Variants in USP48 observed in about 807,000 individuals in gnomAD.
USP48 encodes the protein ubiquitin specific peptidase 48.
A neutral mutation model predicts 150.7 loss-of-function variants in USP48; 43 were observed. The observed-to-expected ratio is 0.29, with a 90% confidence interval of 0.22 to 0.37. The LOEUF is 0.37. USP48 is among the 10% of genes least tolerant of loss of function. The pLI is 1.00. For missense variants in USP48, 813 were observed against 1,249.6 expected (o/e 0.65, Z 5.27); for synonymous variants, 396 against 425.9 (o/e 0.93, Z 0.86).
At position 21,705,796 on chromosome 1, in the gene USP48, C is replaced by T. The variant is rs2097670570; in HGVS notation, c.2315G>A (p.Ser772Asn). 6.2e-7 allele frequency: 1 copy of T among 1,611,832 alleles called. No homozygotes were observed. The highest frequency in any genetic ancestry group is 1.1e-5 in the South Asian group (1 of 90,380). ...GCCCCCGTGGGGACACAAAAGAGCACTGTTCCCAACTGATGACACAGGGCT... is the reference window on the plus strand; with the variant it reads ...GCCCCCGTGGGGACACAAAAGAGCATTGTTCCCAACTGATGACACAGGGCT... ...RCSPVSSVGN[S>N]ALLCPHGGLM... is the part of the protein sequence containing the mutation. The change falls in exon 19 of 27, where the codon AGT becomes AAT. Residue 772 changes from serine (S) to asparagine (N), a missense_variant. By Grantham distance (46) the Ser-to-Asn change is conservative. Coordinates refer to ENST00000308271, the MANE Select transcript of USP48 (RefSeq NM_032236.8).
At chr1:21,740,865 A>T (rs2097779955) in intron 8 of USP48, among the ~76,000 whole-genome samples, 1 of 152,262 alleles carries the variant, frequency 6.6e-6, no homozygotes, top group South Asian at 2.1e-4. Context: ...AATCACAGTC[A>T]CCGACAGTCA....
intron 8 of USP48, among the ~76,000 whole-genome samples, chr1:21,741,401 A>AT (rs1478984393): frequency 6.6e-6 from 1 of 152,220 alleles, no homozygotes; most frequent in African/African-American, 2.4e-5. Flanking sequence ...TTCTTCAATG[A>AT]TATCTTCAAT....
chr1:21,721,258 C>T (rs1571854935), intron 13 of USP48, 92 bp from the exon 14 acceptor site: 3 of 1,505,866 alleles, frequency 2.0e-6, no homozygotes, highest in Non-Finnish European at 1.8e-6. Context: ...AAGTGAATTA[C>T]AAACACTCAA....
rs866367559 is a variant in USP48 at position 21,688,636 on chromosome 1, G to A, written c.3009+1338C>T. On this transcript the variant is annotated intron_variant, in intron 24 of 26. Coordinates refer to ENST00000308271, the MANE Select transcript of USP48 (RefSeq NM_032236.8). ...GCGGGCAGATCACCTGAGGTCAGGA[G>A]TTTGAGACCAGCTTGGCCAACACGG... 6.6e-4 allele frequency among the ~76,000 whole-genome samples: 100 copies of A among 151,060 alleles called. No individual in the cohort carries two copies. In the Middle Eastern group the frequency reaches 0.017, roughly 26 times the overall value.
chr1:21,733,697 G>T (rs567286324), intron 9 of USP48, among the ~76,000 whole-genome samples: 1 of 151,950 alleles, frequency 6.6e-6, no homozygotes, highest in Non-Finnish European at 1.5e-5. Flanking sequence ...CCTTAACAAT[G>T]CTTTTAATCC....
chr1:21,688,020 C>T (rs149441477), intron 24 of USP48, among the ~76,000 whole-genome samples: 6 of 152,120 alleles, frequency 3.9e-5, no homozygotes, highest in African/African-American at 7.2e-5. Flanking sequence ...CACACCAGAA[C>T]GGGGGCTCCA....
Position 21,736,579 on chromosome 1 carries a change from T to C in USP48, c.1038A>G (p.Gly346=). The C allele has an allele frequency of 8.9e-6, 14 of 1,576,240 alleles. No homozygotes were observed. Among genetic ancestry groups the C allele is most frequent in the Non-Finnish European group, 1.1e-5 (13 of 1,166,228 alleles). The part of the protein sequence containing the change: ...YELSAVLIHR[G]VSAYSGHYIA... ...TGTAGTGGCCAGAATAAGCACTCAC[T>C]CCTCTGTGTATGAGGACTGCGCTGA... The change falls in exon 9 of 27, where the codon GGA becomes GGG. Residue 346 remains glycine (G), a synonymous_variant. Transcript: ENST00000308271.
At chr1:21,703,693 A>G (rs567512838) in intron 20 of USP48, 75 bp from the exon 21 acceptor site, 9 of 1,162,546 alleles carry the variant, frequency 7.7e-6, no homozygotes, top group East Asian at 4.7e-5. Context: ...ATCTAAAAAC[A>G]TATGTCAAAG....
In USP48 at chr1:21,721,046, G is replaced by A. The variant is rs1438799137; in HGVS notation, c.1884C>T (p.Thr628=). The change falls in exon 14 of 27, where the codon ACC becomes ACT. Residue 628 remains threonine (T), a synonymous_variant. Coordinates refer to ENST00000308271, the MANE Select transcript of USP48 (RefSeq NM_032236.8). ...EQSNGKMNGS[T]LNKDESKEER... is the part of the protein sequence containing the mutation. ...GGTTTAAAGTGTTACCTTTATTTAAGGTGCTACCGTTCATCTTTCCGTTGC... is the reference window on the plus strand; with the variant it reads ...GGTTTAAAGTGTTACCTTTATTTAAAGTGCTACCGTTCATCTTTCCGTTGC... 6.2e-7 allele frequency: 1 copy of A among 1,614,218 alleles called. No homozygotes were observed. The highest frequency in any genetic ancestry group is 1.1e-5 in the South Asian group (1 of 91,086).
At chr1:21,756,474 CAAAAAAA>C (rs35545280) in intron 3 of USP48, 65 bp downstream of exon 3, 6 of 1,175,286 alleles carry the variant, frequency 5.1e-6, no homozygotes, top group Non-Finnish European at 4.5e-6. Flanking sequence ...GAGGAAGACT[CAAAAAAA>C]AAAAAAAAAA....
At chr1:21,699,705 C>CA (rs2097649499) in intron 22 of USP48, among the ~76,000 whole-genome samples, 2 of 150,840 alleles carry the variant, frequency 1.3e-5, no homozygotes, top group Non-Finnish European at 3.0e-5. Context: ...TTAGTAGAGA[C>CA]GGGTTTCACT....
chr1:21,774,712 C>A (rs1288701926), intron 1 of USP48, among the ~76,000 whole-genome samples: 1 of 151,120 alleles, frequency 6.6e-6, no homozygotes, highest in East Asian at 2.0e-4. Context: ...AAAAGAATAG[C>A]CAGGTGCGGT....
intron 25 of USP48, among the ~76,000 whole-genome samples, chr1:21,684,987 T>C (rs894963412): frequency 2.6e-5 from 4 of 152,216 alleles, no homozygotes; most frequent in Non-Finnish European, 5.9e-5. Context: ...TCCAGCTTTG[T>C]TCTTTTTGCT....
At chr1:21,729,613 A>T in intron 10 of USP48, 91 bp downstream of exon 10, 1 of 1,409,516 alleles carries the variant, frequency 7.1e-7, no homozygotes, top group Non-Finnish European at 9.5e-7. Flanking sequence ...AATTTATCAT[A>T]GTAACTAAAA....
At chr1:21,758,714 C>T (rs971384373) in intron 1 of USP48, among the ~76,000 whole-genome samples, 1 of 151,924 alleles carries the variant, frequency 6.6e-6, no homozygotes, top group Non-Finnish European at 1.5e-5. Flanking sequence ...TACACCACTG[C>T]ACTCTGGCCT....
At chr1:21,748,939 G>A (rs1028079636) in intron 6 of USP48, among the ~76,000 whole-genome samples, 3 of 152,066 alleles carry the variant, frequency 2.0e-5, no homozygotes. Context: ...CAGGAGGGAG[G>A]AGGGTAGTGT....
intron 15 of USP48, among the ~76,000 whole-genome samples, chr1:21,714,414 C>T (rs905052609): frequency 6.6e-6 from 1 of 152,152 alleles, no homozygotes; most frequent in Non-Finnish European, 1.5e-5. Context: ...AAACTGCAGG[C>T]ACATACCACC....
chr1:21,736,563 C>A lies in USP48; in HGVS notation c.1054G>T (p.Gly352Cys). The change falls in exon 9 of 27, where the codon GGC becomes TGC. Residue 352 changes from glycine (G) to cysteine (C), a missense_variant. Transcript: ENST00000308271. The stretch of plus-strand genomic sequence containing the variant: ...TCTTTCACGTGGGCGATGTAGTGGC[C>A]AGAATAAGCACTCACTCCTCTGTGT... The part of the protein sequence containing the change: ...LIHRGVSAYS[G>C]HYIAHVKDPQ... 1 of 1,589,296 alleles carries A rather than the reference C, an allele frequency of 6.3e-7. No homozygotes were observed. Among genetic ancestry groups the A allele is most frequent in the Non-Finnish European group, 8.5e-7 (1 of 1,171,032 alleles).
chr1:21,728,066 G>A (rs1264730548), intron 11 of USP48: 1 of 985,428 alleles, frequency 1.0e-6, no homozygotes, highest in East Asian at 1.1e-4. Context: ...GATTATGTGG[G>A]ATATTTCTAA....
Sources: allele counts gnomAD v4.1 joint callset (sites outside exome capture counted in the v4.1 genomes callset), GRCh38; gene constraint gnomAD v4.1.1; transcripts MANE v1.5; gene names NCBI Gene and HGNC (gene_info 2026-07-23, HGNC 2026-07-21).